The following ACAD8 variants were observed in gnomAD, a reference collection of about 807,000 sequenced individuals.
ACAD8 encodes the protein isobutyryl-CoA dehydrogenase, mitochondrial.
Under a neutral mutation model 53.1 loss-of-function variants are expected in ACAD8, and 47 were observed. The observed-to-expected ratio is 0.89, with a 90% CI of 0.70 to 1.13. The LOEUF (loss-of-function observed/expected upper bound fraction) is 1.13. ACAD8 is among the 50% of genes most tolerant of loss of function. The pLI is 0.00. For synonymous variants in ACAD8, 198 were observed against 201.3 expected (o/e 0.98, Z 0.14); for missense variants, 494 against 535.0 (o/e 0.92, Z 0.76).
chr11:134,261,452 G>C lies in ACAD8; in HGVS notation c.939+80G>C. The C allele has an allele frequency of 6.4e-7, 1 of 1,553,146 alleles. No individual in the cohort carries two copies. Among genetic ancestry groups the C allele is most frequent in the Non-Finnish European group, 8.9e-7 (1 of 1,126,996 alleles). On this transcript the variant is annotated intron_variant, in intron 8 of 10. Coordinates refer to ENST00000281182, the MANE Select transcript of ACAD8 (RefSeq NM_014384.3). The surrounding 1 kb of genome is among the most constrained non-coding windows in gnomAD (Gnocchi z 4.2). Reference sequence around the variant, plus strand: ...CTCTAGGGCCCACATTTCCAGGAGAGAAGCCAGGAAATTCCTCTGTCAGTC... The same window carrying C: ...CTCTAGGGCCCACATTTCCAGGAGACAAGCCAGGAAATTCCTCTGTCAGTC...
At chr11:134,264,550 C>T (rs575159507) in intron 10 of ACAD8, among the ~76,000 whole-genome samples, 1 of 152,168 alleles carries the variant, frequency 6.6e-6, no homozygotes, top group Non-Finnish European at 1.5e-5. Flanking sequence ...ACTCATGTTT[C>T]TACATCCAGA....
At chr11:134,258,789 G>C (rs1257662440) in intron 4 of ACAD8, 165 bp downstream of exon 4, 2 of 731,876 alleles carry the variant, frequency 2.7e-6, no homozygotes, top group South Asian at 1.5e-5. Context: ...CAAGGACCAA[G>C]AAGCCTATCT....
intron 6 of ACAD8, 179 bp from the exon 7 acceptor site, chr11:134,260,865 G>A (rs756328963): frequency 3.1e-4 from 203 of 661,178 alleles, no homozygotes; most frequent in Non-Finnish European, 1.2e-4. Flanking sequence ...GCTGAAACAG[G>A]TATCTTTCTG....
intron 6 of ACAD8, chr11:134,260,245 T>C (rs1939803534): frequency 9.4e-7 from 1 of 1,058,830 alleles, no homozygotes; most frequent in Non-Finnish European, 1.2e-6. Flanking sequence ...CTTCTAGGAT[T>C]AAGAGCCGCC....
At chr11:134,256,172 G>T (rs1037730221) in intron 1 of ACAD8, among the ~76,000 whole-genome samples, 20 of 152,252 alleles carry the variant, frequency 1.3e-4, no homozygotes, top group African/African-American at 4.8e-4. Flanking sequence ...CTCCTGAAGT[G>T]CTGGGATTAT....
At chr11:134,260,033 T>G in intron 6 of ACAD8, 1 of 1,251,684 alleles carries the variant, frequency 8.0e-7, no homozygotes, top group African/African-American at 1.5e-5. Context: ...ATCCAGCTGC[T>G]TACGTTGGTG....
At chr11:134,262,904 T>C in intron 10 of ACAD8, 3 of 1,334,880 alleles carry the variant, frequency 2.2e-6, no homozygotes, top group Non-Finnish European at 2.9e-6. Flanking sequence ...TGAGAAAGCA[T>C]GTTGAAAACC....
intron 5 of ACAD8, 122 bp downstream of exon 5, chr11:134,259,206 A>C: frequency 1.2e-6 from 1 of 844,682 alleles, no homozygotes; most frequent in Non-Finnish European, 2.0e-6. Flanking sequence ...TTGGGAAGAG[A>C]ACCTCTGACC....
chr11:134,256,787 A>G, intron 2 of ACAD8, 139 bp downstream of exon 2: 1 of 805,714 alleles, frequency 1.2e-6, no homozygotes, highest in Non-Finnish European at 1.9e-6. Flanking sequence ...CCGGTAGTGG[A>G]TGATTTTTCC....
At chr11:134,264,841 G>T (rs1940095707) in intron 10 of ACAD8, 67 bp from the exon 11 acceptor site, 1 of 1,438,688 alleles carries the variant, frequency 7.0e-7, no homozygotes, top group Non-Finnish European at 9.8e-7. Flanking sequence ...GAGCAGCCTG[G>T]TCAGAGCTTT....
rs1025224467 is a variant in ACAD8 at position 134,261,926 on chromosome 11, G to T, written c.1092+36G>T. The T allele has an allele frequency of 3.1e-6, 5 of 1,611,384 alleles. No individual in the cohort carries two copies. The highest frequency in any genetic ancestry group is 4.2e-6 in the Non-Finnish European group (5 of 1,179,686). ...CCTCTGGCTCTCCTGGGATGGACAG[G>T]GAACAGCTGCTAGGCCCAGGGGTCT... On this transcript the variant is annotated intron_variant, in intron 9 of 10. Coordinates refer to ENST00000281182, the MANE Select transcript of ACAD8 (RefSeq NM_014384.3). The surrounding 1 kb of genome is among the most constrained non-coding windows in gnomAD (Gnocchi z 4.2).
chr11:134,255,171 C>T (rs561501447), intron 1 of ACAD8, among the ~76,000 whole-genome samples: 171 of 152,296 alleles, frequency 1.1e-3, no homozygotes, highest in African/African-American at 3.8e-3. Flanking sequence ...GAGTCTCTTT[C>T]TGTTGCCCAG....
chr11:134,261,171 T>C lies in ACAD8; in HGVS notation c.833T>C (p.Ile278Thr), dbSNP rs1317315596. Residue 278 changes from isoleucine to threonine, a missense_variant, in exon 7 of 11, where the codon ATC becomes ACC. Ile to Thr is a moderately conservative substitution (Grantham distance 89). Coordinates refer to ENST00000281182, the MANE Select transcript of ACAD8 (RefSeq NM_014384.3). The surrounding 1 kb of genome is among the most constrained non-coding windows in gnomAD (Gnocchi z 4.2). ...IAVRGLNGGR[I>T]NIASCSLGAA... The stretch of plus-strand genomic sequence containing the variant: ...GTGAGAGGACTGAACGGAGGGAGGA[T>C]CAATATTGGTGAGATACGCAGGGGT... 46 of 1,613,240 alleles carry C rather than the reference T, an allele frequency of 2.9e-5. No individual in the cohort carries two copies. The highest frequency in any genetic ancestry group is 3.9e-5 in the Non-Finnish European group (46 of 1,179,748).
In ACAD8 at chr11:134,265,072, TC is replaced by T. The variant is rs1940109259; in HGVS notation, c.*114del. The T allele has an allele frequency of 8.2e-7, 1 of 1,221,792 alleles. No homozygotes were observed. The highest frequency in any genetic ancestry group is 1.2e-6 in the Non-Finnish European group (1 of 827,812). The allele number at this position is 1,221,792 out of a possible 1,614,324, so 75.7% of individuals were successfully genotyped here. On this transcript the variant is annotated 3_prime_UTR_variant, in exon 11 of 11. Coordinates refer to ENST00000281182, the MANE Select transcript of ACAD8 (RefSeq NM_014384.3). ...CATGGATTAGACCCAAGGGCTGAGC[TC>T]CTCTAGGGCAGGACCTGCACCCTGT...
intron 10 of ACAD8, among the ~76,000 whole-genome samples, chr11:134,264,307 C>T (rs556655495): frequency 2.6e-5 from 4 of 152,118 alleles, no homozygotes; most frequent in South Asian, 4.2e-4. Flanking sequence ...ATTGCACCAT[C>T]GCACTCCAGC....
In ACAD8 at chr11:134,261,802, A is replaced by G. The variant is rs768954546; in HGVS notation, c.1004A>G (p.Asn335Ser). 8.7e-6 allele frequency: 14 copies of G among 1,614,194 alleles called. No individual in the cohort carries two copies. In the East Asian group the frequency reaches 2.2e-4, roughly 26 times the overall value. Reference sequence around the variant, plus strand: ...GTGGCCGCGCGGCTGATGGTCCGCAATGCAGCAGTGGCTCTGCAGGAGGAG... The same window carrying G: ...GTGGCCGCGCGGCTGATGGTCCGCAGTGCAGCAGTGGCTCTGCAGGAGGAG... ...RLVAARLMVRNAAVALQEERK... is the reference protein window; with the variant it reads ...RLVAARLMVRSAAVALQEERK... Residue 335 changes from asparagine (N) to serine (S), a missense_variant, in exon 9 of 11, where the codon AAT becomes AGT. Physicochemically the swap from Asn to Ser is conservative, Grantham distance 46. Transcript: ENST00000281182. This position sits in a 1 kb window ranked among gnomAD's most constrained non-coding sequence, Gnocchi z 4.2.
chr11:134,262,667 G>T lies in ACAD8; in HGVS notation c.1195+45G>T, dbSNP rs747273852. ...ATTCTCTTCCCTTCAGAACGGGGGC[G>T]GGATCGCTGCTTTCCCCACTCTCTG... On this transcript the variant is annotated intron_variant, in intron 10 of 10. Coordinates refer to ENST00000281182, the MANE Select transcript of ACAD8 (RefSeq NM_014384.3). 4 of 1,566,482 alleles carry T rather than the reference G, an allele frequency of 2.6e-6. No individual in the cohort carries two copies. The East Asian group carries it at 9.2e-5, about 36-fold the overall frequency.
At chr11:134,254,666 T>C (rs1939375869) in intron 1 of ACAD8, among the ~76,000 whole-genome samples, 1 of 152,230 alleles carries the variant, frequency 6.6e-6, no homozygotes, top group Admixed American at 6.5e-5. Flanking sequence ...TAACCCAGAT[T>C]ACCCTGGTTG....
In ACAD8 at chr11:134,261,785, G is replaced by A. The variant is rs1321678242; in HGVS notation, c.987G>A (p.Ala329=). The change falls in exon 9 of 11, where the codon GCG becomes GCA. Residue 329 remains alanine (A), a synonymous_variant. Coordinates refer to ENST00000281182, the MANE Select transcript of ACAD8 (RefSeq NM_014384.3). The surrounding 1 kb of genome is among the most constrained non-coding windows in gnomAD (Gnocchi z 4.2). ...ATATGGCAACAAGGCTGGTGGCCGC[G>A]CGGCTGATGGTCCGCAATGCAGCAG... The part of the protein sequence containing the change: ...LADMATRLVA[A]RLMVRNAAVA... 6.8e-6 allele frequency: 11 copies of A among 1,614,146 alleles called. No individual in the cohort carries two copies. The highest frequency in any genetic ancestry group is 4.4e-5 in the South Asian group (4 of 91,082).
Sources: gnomAD v4.1 joint callset for allele counts (sites outside exome capture counted in the v4.1 genomes callset) on GRCh38, gnomAD v4.1.1 for gene constraint, Gnocchi (gnomAD v3.1) non-coding constraint, MANE v1.5 for transcripts, NCBI Gene and HGNC (gene_info 2026-07-23, HGNC 2026-07-21) for gene names.